The following CDC42 variants were observed in gnomAD, a reference collection of about 807,000 sequenced individuals.
CDC42 encodes the protein cell division control protein 42 homolog.
Under a neutral mutation model 20.8 loss-of-function variants are expected in CDC42, and 1 was observed. That is an observed-to-expected ratio of 0.05 (90% confidence interval 0.02 to 0.23). CDC42 has a LOEUF of 0.23. Among genes scored for constraint, CDC42 ranks in the 10% least tolerant of loss-of-function variants. CDC42 has a pLI of 1.00. For synonymous variants in CDC42, 72 were observed against 84.8 expected, an observed-to-expected ratio of 0.85 and a Z score of 0.83; for missense variants, 49 against 227.9, an observed-to-expected ratio of 0.21 and a Z score of 5.05.
chr1:22,090,437 T>G (rs1381597498), intron 5 of CDC42: 1 of 996,698 alleles, frequency 1.0e-6, no homozygotes, highest in Non-Finnish European at 1.2e-6. Context: ...TAATTGTAAT[T>G]GCATGACAAA....
intron 3 of CDC42, among the ~76,000 whole-genome samples, chr1:22,084,343 T>TC (rs775341853): frequency 1.1e-5 from 1 of 95,210 alleles, no homozygotes; most frequent in Non-Finnish European, 2.4e-5. Context: ...CTGTTTTTTT[T>TC]TTTTTTTTTT....
At chr1:22,086,590 G>T (rs1343725171) in intron 4 of CDC42, 42 bp downstream of exon 4, 3 of 1,585,362 alleles carry the variant, frequency 1.9e-6, no homozygotes, top group Non-Finnish European at 2.6e-6. Context: ...GATCATCTCA[G>T]AATTTCTACT....
At chr1:22,062,944 C>T (rs1466959576) in intron 1 of CDC42, among the ~76,000 whole-genome samples, 1 of 151,980 alleles carries the variant, frequency 6.6e-6, no homozygotes, top group East Asian at 1.9e-4. Context: ...GATTATTACC[C>T]TAGTTTCTTA....
chr1:22,096,498 C>T lies in CDC42; in HGVS notation c.*4981C>T, dbSNP rs1645759465. Among the ~76,000 whole-genome samples, 1 of 152,190 alleles carries T rather than the reference C, an allele frequency of 6.6e-6. No individual in the cohort carries two copies. Among genetic ancestry groups the T allele is most frequent in the Non-Finnish European group, 1.5e-5 (1 of 68,038 alleles). On this transcript the variant is annotated 3_prime_UTR_variant, in exon 6 of 6. Coordinates refer to ENST00000656825, the MANE Select transcript of CDC42 (RefSeq NM_001791.4). ...TATCTGTGCATGCATATTCATGACA[C>T]ATTCATTTGTCATTATTTATCAAAA...
chr1:22,053,690 T>G (rs993961533), intron 1 of CDC42, among the ~76,000 whole-genome samples: 7 of 152,216 alleles, frequency 4.6e-5, no homozygotes, highest in African/African-American at 1.4e-4. Flanking sequence ...GGGACTTAAA[T>G]TCAAACAGCA....
rs368234616 is a variant in CDC42, at chr1:22,086,467, G to A, written c.207G>A (p.Pro69=). 40 of 1,604,246 alleles carry A rather than the reference G, an allele frequency of 2.5e-5. No homozygotes were observed. The highest frequency in any genetic ancestry group is 1.7e-4 in the Middle Eastern group (1 of 5,946). The change falls in exon 4 of 6, where the codon CCG becomes CCA. Residue 69 remains proline (P), a synonymous_variant. Transcript: ENST00000656825. Reference sequence around the variant, plus strand: ...AAGAGGATTATGACAGATTACGACCGCTGAGTTATCCACAAACAGATGTAT... The same window carrying A: ...AAGAGGATTATGACAGATTACGACCACTGAGTTATCCACAAACAGATGTAT... ...AGQEDYDRLR[P]LSYPQTDVFL...
intron 2 of CDC42, 34 bp from the exon 3 acceptor site, chr1:22,081,688 G>T (rs778342210): frequency 7.4e-7 from 1 of 1,354,620 alleles, no homozygotes; most frequent in East Asian, 2.3e-5. Context: ...CTCTCTCCTT[G>T]CACACTAACA....
intron 3 of CDC42, among the ~76,000 whole-genome samples, chr1:22,083,122 C>G (rs531697081): frequency 6.6e-6 from 1 of 151,922 alleles, no homozygotes; most frequent in Non-Finnish European, 1.5e-5. Context: ...CTCAGGTGAT[C>G]CGCCCGCCTT....
intron 1 of CDC42, among the ~76,000 whole-genome samples, chr1:22,069,319 G>T (rs1645458099): frequency 6.6e-6 from 1 of 151,802 alleles, no homozygotes; most frequent in South Asian, 2.1e-4. Context: ...GGGACTACAG[G>T]TGAGCGCCAT....
intron 5 of CDC42, among the ~76,000 whole-genome samples, chr1:22,089,555 G>GATT (rs1389517899): frequency 6.6e-6 from 1 of 152,154 alleles, no homozygotes; most frequent in Non-Finnish European, 1.5e-5. Context: ...CTGAAATCTT[G>GATT]ATTAATCACA....
intron 1 of CDC42, among the ~76,000 whole-genome samples, chr1:22,054,376 C>G (rs959280496): frequency 6.6e-6 from 1 of 151,948 alleles, no homozygotes; most frequent in Non-Finnish European, 1.5e-5. Flanking sequence ...CCACCATGCC[C>G]CGCTAATTTT....
At position 22,094,449 on chromosome 1, in the gene CDC42, T is replaced by C. The variant is rs1570054841; in HGVS notation, c.*2932T>C. Among the ~76,000 whole-genome samples, 1 of 145,444 alleles carries C rather than the reference T, an allele frequency of 6.9e-6. No individual in the cohort carries two copies. ...AGTAGCTGGGACTACCGGCGCCCGC[T>C]ACCACGCCCGGCTAATTTTTTGTAT... On this transcript the variant is annotated 3_prime_UTR_variant, in exon 6 of 6. Coordinates refer to ENST00000656825, the MANE Select transcript of CDC42 (RefSeq NM_001791.4).
In CDC42 at chr1:22,086,869, A is replaced by G; in HGVS notation, c.486+3A>G. 1 of 1,612,434 alleles carries G rather than the reference A, an allele frequency of 6.2e-7. No homozygotes were observed. The highest frequency in any genetic ancestry group is 1.1e-5 in the South Asian group (1 of 91,002). On this transcript the variant is annotated splice_donor_region_variant and intron_variant, in intron 5 of 5. Coordinates refer to ENST00000656825, the MANE Select transcript of CDC42 (RefSeq NM_001791.4). ...TGGAGTGTTCTGCACTTACACAGGT[A>G]AGAATGGCATGAAACCCCATGTGTA...
chr1:22,074,374 C>T (rs541567626), intron 1 of CDC42, among the ~76,000 whole-genome samples: 7 of 152,180 alleles, frequency 4.6e-5, no homozygotes, highest in Non-Finnish European at 8.8e-5. Flanking sequence ...CCGTGCCCAG[C>T]GCAGAATAAC....
rs1178503132 is a variant in CDC42 at position 22,096,102 on chromosome 1, G to A, written c.*4585G>A. Among the ~76,000 whole-genome samples, 1 of 152,066 alleles carries A rather than the reference G, an allele frequency of 6.6e-6. No individual in the cohort carries two copies. The highest frequency in any genetic ancestry group is 2.4e-5 in the African/African-American group (1 of 41,400). ...AGCCTCCTGAGTAGCTGGGATTACA[G>A]GTGTCTGCCACTGCGCCCGGCTAAT... On this transcript the variant is annotated 3_prime_UTR_variant, in exon 6 of 6. Coordinates refer to ENST00000656825, the MANE Select transcript of CDC42 (RefSeq NM_001791.4).
At chr1:22,090,626 CATTT>C in intron 5 of CDC42, 1 of 985,282 alleles carries the variant, frequency 1.0e-6, no homozygotes, top group Non-Finnish European at 1.2e-6. Context: ...TTTATGAGTT[CATTT>C]GTTACATTAT....
chr1:22,091,790 TG>T lies in CDC42; in HGVS notation c.*274del, dbSNP rs758020017. Reference sequence around the variant, plus strand: ...TTCAAAAAAAAAATTTTTGTGTGTGTGTGTTTTTTTTTTTTTTTTTTTTGTT... The same window carrying T: ...TTCAAAAAAAAAATTTTTGTGTGTGTTGTTTTTTTTTTTTTTTTTTTTGTT... On this transcript the variant is annotated 3_prime_UTR_variant, in exon 6 of 6. Transcript: ENST00000656825. The T allele has an allele frequency of 1.7e-3, 112 of 67,358 alleles. 3 individuals are homozygous for T. Among genetic ancestry groups the T allele is most frequent in the East Asian group, 0.016 (39 of 2,366 alleles). 4.2% of individuals were successfully genotyped at this position (67,358 alleles called of 1,614,324 possible).
Position 22,091,623 on chromosome 1 carries a change from G to A in CDC42, c.*106G>A, listed in dbSNP as rs1336873648. On this transcript the variant is annotated 3_prime_UTR_variant, in exon 6 of 6. Coordinates refer to ENST00000656825, the MANE Select transcript of CDC42 (RefSeq NM_001791.4). ...AATTAAAATTCGTTTTTGCAATAAT[G>A]ACAAATGCCCTGCACCTACCCACAT... is the stretch of plus-strand genomic sequence containing the variant. The A allele has an allele frequency of 2.0e-5, 16 of 784,682 alleles. No individual in the cohort carries two copies. In the East Asian group the frequency reaches 3.7e-4, roughly 18 times the overall value. The allele number at this position is 784,682 out of a possible 1,614,324, so 48.6% of individuals were successfully genotyped here. A position where few individuals can be genotyped will look rare whatever the true frequency, so the allele number is the denominator to read the frequency against.
rs1014588420 is a variant in CDC42 at position 22,098,541 on chromosome 1, A to T, written c.*7024A>T. On this transcript the variant is annotated 3_prime_UTR_variant, in exon 6 of 6. Coordinates refer to ENST00000656825, the MANE Select transcript of CDC42 (RefSeq NM_001791.4). ...AATGTTACCTAAGAAGCTTATTTTT[A>T]AAAAAGGAAAGCAGTGCTTAGGGCC... 6.6e-6 allele frequency among the ~76,000 whole-genome samples: 1 copy of T among 152,186 alleles called. No homozygotes were observed. Among genetic ancestry groups the T allele is most frequent in the African/African-American group, 2.4e-5 (1 of 41,446 alleles).
Sources: allele counts gnomAD v4.1 joint callset (sites outside exome capture counted in the v4.1 genomes callset), GRCh38; gene constraint gnomAD v4.1.1; transcripts MANE v1.5; gene names NCBI Gene and HGNC (gene_info 2026-07-23, HGNC 2026-07-21).